The following ARID5B variants were observed in gnomAD, a reference collection of about 807,000 sequenced individuals.
ARID5B encodes the protein AT-rich interaction domain 5B.
A neutral mutation model predicts 97.2 loss-of-function variants in ARID5B; 13 were observed. The ratio of observed to expected loss-of-function variants is 0.13; its 90% CI spans 0.09 to 0.21. ARID5B has a LOEUF of 0.21. Ranked by LOEUF, ARID5B falls within the 10% of genes least tolerant of loss-of-function variation. The probability of loss-of-function intolerance (pLI) is 1.00; values close to 1 mark genes in which losing one functional copy is unlikely to be tolerated. For synonymous variants in ARID5B, 556 were observed against 570.3 expected (o/e 0.97, Z 0.36); for missense variants, 1,210 against 1,465.3 (o/e 0.83, Z 2.84).
intron 4 of ARID5B, among the ~76,000 whole-genome samples, chr10:62,040,277 G>T (rs1192609571): frequency 5.3e-5 from 8 of 152,144 alleles, no homozygotes; most frequent in South Asian, 4.2e-4. Flanking sequence ...ATGATTACCA[G>T]ATTTGAATTT....
chr10:61,931,806 T>C (rs1409124510), intron 2 of ARID5B, among the ~76,000 whole-genome samples: 4 of 152,188 alleles, frequency 2.6e-5, no homozygotes, highest in Admixed American at 1.3e-4. Context: ...CATATTAGGA[T>C]AATAATTATT....
intron 3 of ARID5B, among the ~76,000 whole-genome samples, chr10:61,986,268 A>G (rs1246990509): frequency 1.3e-5 from 2 of 152,236 alleles, no homozygotes; most frequent in Non-Finnish European, 1.5e-5. Flanking sequence ...AAATGGGACT[A>G]TTCTTGACAG....
At chr10:61,986,203 G>T (rs887403213) in intron 3 of ARID5B, among the ~76,000 whole-genome samples, 10 of 152,182 alleles carry the variant, frequency 6.6e-5, no homozygotes, top group Admixed American at 5.2e-4. Flanking sequence ...GCCATTAGCT[G>T]GATGACCTTG....
intron 8 of ARID5B, among the ~76,000 whole-genome samples, chr10:62,072,404 A>G (rs1469112312): frequency 6.6e-6 from 1 of 152,258 alleles, no homozygotes; most frequent in African/African-American, 2.4e-5. Context: ...TGTTTGCAGA[A>G]TAGTAACAGG....
intron 8 of ARID5B, among the ~76,000 whole-genome samples, chr10:62,072,574 T>C (rs994707878): frequency 7.2e-5 from 11 of 152,170 alleles, no homozygotes; most frequent in African/African-American, 2.4e-4. Context: ...ACACCAAAAA[T>C]TGGCAGTGTG....
chr10:62,027,080 C>T (rs1461618192), intron 4 of ARID5B, among the ~76,000 whole-genome samples: 1 of 152,028 alleles, frequency 6.6e-6, no homozygotes, highest in Non-Finnish European at 1.5e-5. Context: ...GACGGGCAGC[C>T]AGGGTTAGTT....
At chr10:61,966,786 C>A (rs904783882) in intron 3 of ARID5B, among the ~76,000 whole-genome samples, 1 of 152,156 alleles carries the variant, frequency 6.6e-6, no homozygotes, top group African/African-American at 2.4e-5. Context: ...TGCTTTCAAC[C>A]TGGAGTATTC....
rs146309746 is a variant in ARID5B at position 62,095,102 on chromosome 10, A to AATAT, written c.*2085_*2088dup. 1.8e-4 allele frequency: 41 copies of AATAT among 222,780 alleles called. No homozygotes were observed. The highest frequency in any genetic ancestry group is 8.8e-4 in the African/African-American group (39 of 44,520). 13.8% of individuals were successfully genotyped at this position (222,780 alleles called of 1,614,324 possible). Reference sequence around the variant, plus strand: ...TTAATTATTTACCTTCCTGTGGAATAATATATATATATATATTTAATAGAA... The same window carrying AATAT: ...TTAATTATTTACCTTCCTGTGGAATAATATATATATATATATATATTTAATAGAA... On this transcript the variant is annotated 3_prime_UTR_variant, in exon 10 of 10. Transcript: ENST00000279873.
At position 62,085,914 on chromosome 10, in the gene ARID5B, C is replaced by T. The variant is rs768829241; in HGVS notation, c.1398+14C>T. 1 of 1,604,366 alleles carries T rather than the reference C, an allele frequency of 6.2e-7. No individual in the cohort carries two copies. Among genetic ancestry groups the T allele is most frequent in the Non-Finnish European group, 8.5e-7 (1 of 1,177,404 alleles). On this transcript the variant is annotated intron_variant, in intron 9 of 9. Coordinates refer to ENST00000279873, the MANE Select transcript of ARID5B (RefSeq NM_032199.3). ...GATGCAGCAGAGGTGAGTTGCTTTG[C>T]TCCATAGAAATACCTCTGGAAGACA...
intron 8 of ARID5B, among the ~76,000 whole-genome samples, chr10:62,071,288 C>T (rs898548046): frequency 6.6e-6 from 1 of 152,070 alleles, no homozygotes; most frequent in Non-Finnish European, 1.5e-5. Context: ...CCCACTTCGG[C>T]CTCCCAAAGT....
intron 3 of ARID5B, among the ~76,000 whole-genome samples, chr10:61,955,231 G>C (rs1270621697): frequency 6.6e-6 from 1 of 152,146 alleles, no homozygotes; most frequent in Admixed American, 6.5e-5. Context: ...CTCTACAGTG[G>C]CCCTGCTTTG....
intron 3 of ARID5B, among the ~76,000 whole-genome samples, chr10:61,952,809 T>C (rs1198045944): frequency 6.6e-6 from 1 of 152,078 alleles, no homozygotes; most frequent in East Asian, 1.9e-4. Flanking sequence ...CTTGAAGCTA[T>C]CCTGCTAGCC....
intron 8 of ARID5B, among the ~76,000 whole-genome samples, chr10:62,080,085 G>C (rs992818528): frequency 1.3e-5 from 2 of 152,122 alleles, no homozygotes; most frequent in African/African-American, 4.8e-5. Context: ...CATTTTGTTG[G>C]CTCAGATGGG....
chr10:61,922,054 C>T (rs539679914), intron 2 of ARID5B, among the ~76,000 whole-genome samples: 28 of 152,244 alleles, frequency 1.8e-4, no homozygotes, highest in African/African-American at 5.3e-4. Flanking sequence ...AATATCTCCC[C>T]GCTCTTCAGG....
chr10:61,975,248 C>T (rs528274573), intron 3 of ARID5B, among the ~76,000 whole-genome samples: 1 of 152,020 alleles, frequency 6.6e-6, no homozygotes, highest in African/African-American at 2.4e-5. Context: ...GTTTCTGGAG[C>T]CTCTGGTTAC....
chr10:62,047,138 A>G (rs1282039133), intron 4 of ARID5B, among the ~76,000 whole-genome samples: 1 of 152,158 alleles, frequency 6.6e-6, no homozygotes, highest in Non-Finnish European at 1.5e-5. Context: ...ATGGTCTGAG[A>G]CAAGTAATTT....
At chr10:61,944,231 G>A (rs976123828) in intron 3 of ARID5B, among the ~76,000 whole-genome samples, 1 of 152,074 alleles carries the variant, frequency 6.6e-6, no homozygotes, top group African/African-American at 2.4e-5. Context: ...GTTAAGGAAT[G>A]TATTATTCAT....
intron 4 of ARID5B, among the ~76,000 whole-genome samples, chr10:62,019,503 T>C (rs1016033013): frequency 6.6e-6 from 1 of 152,238 alleles, no homozygotes; most frequent in Middle Eastern, 3.2e-3. Context: ...AAGCTACTTT[T>C]ACATGGATCT....
chr10:61,914,389 C>A (rs1358479883), intron 2 of ARID5B, among the ~76,000 whole-genome samples: 1 of 152,170 alleles, frequency 6.6e-6, no homozygotes, highest in Admixed American at 6.5e-5. Flanking sequence ...GTTCTCTGTG[C>A]TGGGGATATA....
Sources: allele counts gnomAD v4.1 joint callset (sites outside exome capture counted in the v4.1 genomes callset), GRCh38; gene constraint gnomAD v4.1.1; transcripts MANE v1.5; gene names NCBI Gene and HGNC (gene_info 2026-07-23, HGNC 2026-07-21).